PFKL: variants seen among roughly 807,000 people sequenced by gnomAD.
The protein encoded by PFKL is phosphofructokinase, liver type.
In PFKL, 74 loss-of-function variants were observed where a neutral mutation model predicts 92.1. The observed-to-expected ratio is 0.80, with a 90% confidence interval of 0.67 to 0.97. PFKL has a LOEUF of 0.97. PFKL is among the 50% of genes least tolerant of loss of function. The probability of loss-of-function intolerance (pLI) is 0.00; values close to 1 mark genes in which losing one functional copy is unlikely to be tolerated. For synonymous variants in PFKL, 494 were observed against 456.4 expected (o/e 1.08, Z -1.05); for missense variants, 1,028 against 1,116.6 (o/e 0.92, Z 1.13).
intron 5 of PFKL, 112 bp downstream of exon 5, chr21:44,313,255 G>C: frequency 8.1e-7 from 1 of 1,241,888 alleles, no homozygotes; most frequent in Non-Finnish European, 1.1e-6. Context: ...GGTAGCCCCA[G>C]CATCCAGGCC....
intron 2 of PFKL, among the ~76,000 whole-genome samples, chr21:44,310,750 A>G (rs1454773439): frequency 3.9e-5 from 6 of 151,980 alleles, no homozygotes; most frequent in Admixed American, 3.9e-4. Context: ...GAGCTCAGAC[A>G]GGCCCCTGCA....
chr21:44,323,050 G>C lies in PFKL; in HGVS notation c.1497+1G>C, dbSNP rs748276933. The stretch of plus-strand genomic sequence containing the variant: ...CCTGCTGGTGGTCGGTGGGTTTGAG[G>C]TGAGAGCTGCCCACGGACGAAAAAG... On this transcript the variant is annotated splice_donor_variant, in intron 15 of 21. Coordinates refer to ENST00000349048, the MANE Select transcript of PFKL (RefSeq NM_002626.6). LOFTEE classifies it high-confidence loss of function. 3.5e-5 allele frequency: 57 copies of C among 1,610,382 alleles called. No homozygotes were observed. The highest frequency in any genetic ancestry group is 4.8e-5 in the Non-Finnish European group (57 of 1,178,358).
At chr21:44,300,412 G>A (rs558546692) in intron 1 of PFKL, among the ~76,000 whole-genome samples, 38 of 152,152 alleles carry the variant, frequency 2.5e-4, no homozygotes, top group African/African-American at 7.9e-4. Flanking sequence ...CCTCCGCCTG[G>A]GTCTTGGCGC....
intron 7 of PFKL, 48 bp from the exon 8 acceptor site, chr21:44,316,196 G>T: frequency 1.9e-6 from 3 of 1,572,724 alleles, no homozygotes; most frequent in South Asian, 2.2e-5. Context: ...TGTGTCCGGG[G>T]CAGGTTTCCC....
Position 44,320,331 on chromosome 21 carries a change from C to T in PFKL, c.1191+184C>T. The T allele has an allele frequency of 9.7e-6, 5 of 513,020 alleles. No individual in the cohort carries two copies. In the South Asian group the frequency reaches 1.3e-4, roughly 13 times the overall value. The allele number at this position is 513,020 out of a possible 1,614,324, so 31.8% of individuals were successfully genotyped here. ...CAGGCACCACTGTGGCTGGCAGGTCCCGGGTGCTGGGACCCTGGCTGCAGG... is the reference window on the plus strand; with the variant it reads ...CAGGCACCACTGTGGCTGGCAGGTCTCGGGTGCTGGGACCCTGGCTGCAGG... On this transcript the variant is annotated intron_variant, in intron 12 of 21. Coordinates refer to ENST00000349048, the MANE Select transcript of PFKL (RefSeq NM_002626.6).
In PFKL at chr21:44,312,911, G is replaced by C. The variant is rs2047088596; in HGVS notation, c.428-67G>C. On this transcript the variant is annotated intron_variant, in intron 4 of 21. Coordinates refer to ENST00000349048, the MANE Select transcript of PFKL (RefSeq NM_002626.6). ...ATGCGGGGGAAGGGGTGGCAGGAGAGGGGTCTCTGGCCCTGTGGTGGGGCC... is the reference window on the plus strand; with the variant it reads ...ATGCGGGGGAAGGGGTGGCAGGAGACGGGTCTCTGGCCCTGTGGTGGGGCC... 12 of 1,534,878 alleles carry C rather than the reference G, an allele frequency of 7.8e-6. No individual in the cohort carries two copies. The South Asian group carries it at 1.2e-4, about 16-fold the overall frequency.
chr21:44,310,288 A>G (rs546706355), intron 2 of PFKL, among the ~76,000 whole-genome samples: 1 of 152,342 alleles, frequency 6.6e-6, no homozygotes, highest in Admixed American at 6.5e-5. Context: ...TCCCAGGTAG[A>G]ACCGCATGAG....
In PFKL at chr21:44,324,622, C is replaced by T. The variant is rs1167919903; in HGVS notation, c.1782C>T (p.Val594=). 1.9e-6 allele frequency: 3 copies of T among 1,606,380 alleles called. No homozygotes were observed. Among genetic ancestry groups the T allele is most frequent in the Non-Finnish European group, 2.6e-6 (3 of 1,175,858 alleles). ...GIAVGADAAY[V]FEDPFNIHDL... is the part of the protein sequence containing the mutation. The stretch of plus-strand genomic sequence containing the variant: ...CTGTGGGGGCCGACGCCGCCTACGT[C>T]TTCGAGGACCCTTTCAACATCCACG... Residue 594 remains valine, a synonymous_variant, in exon 17 of 22, where the codon GTC becomes GTT. Transcript: ENST00000349048.
chr21:44,322,831 C>T, intron 14 of PFKL, 131 bp from the exon 15 acceptor site: 1 of 588,204 alleles, frequency 1.7e-6, no homozygotes, highest in Non-Finnish European at 3.0e-6. Flanking sequence ...CACAGCGCCA[C>T]ATCCCGGGCA....
Position 44,324,580 on chromosome 21 carries a change from C to A in PFKL, c.1740C>A (p.Ala580=). 1.2e-6 allele frequency: 2 copies of A among 1,612,998 alleles called. No individual in the cohort carries two copies. Among genetic ancestry groups the A allele is most frequent in the Admixed American group, 1.7e-5 (1 of 59,924 alleles). The change falls in exon 17 of 22, where the codon GCC becomes GCA. Residue 580 remains alanine (A), a synonymous_variant. Transcript: ENST00000349048. ...ETMGGYCGYL[A]TVTGIAVGAD... ...TGGGGGGTTACTGTGGCTACCTGGC[C>A]ACCGTGACTGGCATTGCTGTGGGGG...
At chr21:44,317,651 G>A (rs1189830559) in intron 9 of PFKL, among the ~76,000 whole-genome samples, 2 of 152,188 alleles carry the variant, frequency 1.3e-5, no homozygotes, top group South Asian at 2.1e-4. Context: ...CACCCAGAGC[G>A]TCAGCATTCT....
At chr21:44,326,602 A>G in intron 21 of PFKL, 113 bp from the exon 22 acceptor site, 1 of 1,220,244 alleles carries the variant, frequency 8.2e-7, no homozygotes, top group Non-Finnish European at 1.1e-6. Context: ...ATGTTCAGAC[A>G]GAGGGGCATG....
At chr21:44,317,035 G>T (rs2047227946) in intron 9 of PFKL, among the ~76,000 whole-genome samples, 1 of 152,204 alleles carries the variant, frequency 6.6e-6, no homozygotes, top group African/African-American at 2.4e-5. Context: ...GCTGGTGCTG[G>T]GAGGGAGCAT....
At position 44,311,022 on chromosome 21, in the gene PFKL, T is replaced by TGGA; in HGVS notation, c.179_181dup (p.Glu60dup). ...TGATTTCAGGGCTATGAGGGCCTCG[T>TGGA]GGAGGGAGGTGAGAACATCAAGCAG... On this transcript the variant is annotated inframe_insertion, in exon 3 of 22. Transcript: ENST00000349048. The TGGA allele has an allele frequency of 6.2e-7, 1 of 1,612,560 alleles. No individual in the cohort carries two copies. The highest frequency in any genetic ancestry group is 8.5e-7 in the Non-Finnish European group (1 of 1,179,320).
At chr21:44,324,423 A>G in intron 16 of PFKL, 68 bp from the exon 17 acceptor site, 3 of 1,528,092 alleles carry the variant, frequency 2.0e-6, no homozygotes, top group Non-Finnish European at 2.7e-6. Context: ...CCTGCAGGGT[A>G]GCCATGCCGA....
At chr21:44,324,347 C>A (rs2047438478) in intron 16 of PFKL, 144 bp from the exon 17 acceptor site, 1 of 826,738 alleles carries the variant, frequency 1.2e-6, no homozygotes, top group Non-Finnish European at 1.9e-6. Context: ...GGAGGTGGGC[C>A]CAAGCCTGGT....
chr21:44,318,609 C>A lies in PFKL; in HGVS notation c.1062+14C>A, dbSNP rs201418292. ...TGCGTGCAGATGGTAAGCCCTGGGC[C>A]CCCCCCATCAGAACCGCCTGGCCCC... On this transcript the variant is annotated intron_variant, in intron 10 of 21. Transcript: ENST00000349048. 120 of 1,458,274 alleles carry A rather than the reference C, an allele frequency of 8.2e-5. No individual in the cohort carries two copies. Among genetic ancestry groups the A allele is most frequent in the African/African-American group, 1.2e-4 (8 of 69,564 alleles). The allele number at this position is 1,458,274 out of a possible 1,614,324, so 90.3% of individuals were successfully genotyped here.
chr21:44,320,058 C>A (rs758178641), intron 11 of PFKL, 26 bp from the exon 12 acceptor site: 22 of 1,608,370 alleles, frequency 1.4e-5, no homozygotes, highest in Non-Finnish European at 1.7e-5. Context: ...CAGGGCTGTG[C>A]ATGGTGTGAC....
At position 44,305,262 on chromosome 21, in the gene PFKL, GCACCT is replaced by G. The variant is rs2040898830; in HGVS notation, c.86-1410_86-1406del. ...GATCCCTGGGGTTTCTCAAGGCGTG[GCACCT>G]CACCTCACACCTGCTCCCTGCTGCT... On this transcript the variant is annotated intron_variant, in intron 1 of 21. Coordinates refer to ENST00000349048, the MANE Select transcript of PFKL (RefSeq NM_002626.6). 2.3e-6 allele frequency: 3 copies of G among 1,331,172 alleles called. No individual in the cohort carries two copies. The South Asian group carries it at 3.6e-5, about 16-fold the overall frequency. 82.5% of individuals were successfully genotyped at this position (1,331,172 alleles called of 1,614,324 possible). A position where few individuals can be genotyped will look rare whatever the true frequency, so the allele number is the denominator to read the frequency against.
Sources: gnomAD v4.1 joint callset for allele counts (sites outside exome capture counted in the v4.1 genomes callset) on GRCh38, gnomAD v4.1.1 for gene constraint, MANE v1.5 for transcripts, NCBI Gene and HGNC (gene_info 2026-07-23, HGNC 2026-07-21) for gene names.